APOD: variants seen among roughly 807,000 people sequenced by gnomAD.
APOD encodes the protein apo-D.
Under a neutral mutation model 20.4 loss-of-function variants are expected in APOD, and 22 were observed. That is an observed-to-expected ratio of 1.08 (90% CI 0.77 to 1.54). APOD has a LOEUF of 1.54. APOD is among the 40% of genes most tolerant of loss of function. The pLI, the probability that APOD is intolerant of heterozygous loss-of-function variation, is 0.00. For missense variants in APOD, 223 were observed against 229.6 expected, an observed-to-expected ratio of 0.97 and a Z score of 0.19; for synonymous variants, 97 against 92.4, an observed-to-expected ratio of 1.05 and a Z score of -0.29.
In APOD at chr3:195,568,928, T is replaced by C; in HGVS notation, c.542A>G (p.Asp181Gly). Residue 181 changes from aspartate to glycine, a missense_variant, in exon 5 of 5, where the codon GAC becomes GGC. Physicochemically the swap from Asp to Gly is moderately conservative, Grantham distance 94 (BLOSUM62 -1). Transcript: ENST00000343267. The part of the protein sequence containing the change: ...NIDVKKMTVT[D>G]QVNCPKLS ...CGAGAGCTTGGGGCAGTTCACCTGG[T>C]CTGTGACCGTCATTTTCTTGACATC... 6.2e-7 allele frequency: 1 copy of C among 1,613,982 alleles called. No homozygotes were observed. Among genetic ancestry groups the C allele is most frequent in the East Asian group, 2.2e-5 (1 of 44,882 alleles).
At chr3:195,580,398 T>TTTTTG (rs372834371) in intron 1 of APOD, among the ~76,000 whole-genome samples, 22 of 140,804 alleles carry the variant, frequency 1.6e-4, no homozygotes, top group Admixed American at 5.8e-4. Flanking sequence ...CTGTTGAGGG[T>TTTTTG]TTTTGTTTTG....
chr3:195,570,559 A>G (rs1467282), intron 4 of APOD: 136,063 of 152,256 alleles, frequency 0.89, 60,844 homozygotes, highest in East Asian at 0.99. Context: ...AGTGGCAGAG[A>G]TGAGAAGTAG....
At chr3:195,575,403 G>T (rs1720232364) in intron 2 of APOD, among the ~76,000 whole-genome samples, 1 of 152,098 alleles carries the variant, frequency 6.6e-6, no homozygotes, top group Non-Finnish European at 1.5e-5. Flanking sequence ...ACAAGGTTAG[G>T]GCGTGGACAC....
intron 3 of APOD, 125 bp from the exon 4 acceptor site, chr3:195,571,490 G>A (rs1268418924): frequency 3.3e-5 from 26 of 776,764 alleles, no homozygotes; most frequent in Middle Eastern, 3.8e-4. Context: ...AGCCAACACC[G>A]TGATTTCTGG....
intron 1 of APOD, among the ~76,000 whole-genome samples, chr3:195,581,057 G>T (rs185320227): frequency 6.6e-6 from 1 of 152,368 alleles, no homozygotes; most frequent in Non-Finnish European, 1.5e-5. Context: ...TTCGAAGGAT[G>T]TGTCATTACA....
At chr3:195,575,611 A>G (rs1289766612) in intron 2 of APOD, among the ~76,000 whole-genome samples, 1 of 152,124 alleles carries the variant, frequency 6.6e-6, no homozygotes, top group Non-Finnish European at 1.5e-5. Flanking sequence ...AAATATATTT[A>G]TCTAGTTAAA....
chr3:195,576,301 A>G (rs77000872), intron 2 of APOD, among the ~76,000 whole-genome samples: 1 of 152,224 alleles, frequency 6.6e-6, no homozygotes, highest in Admixed American at 6.5e-5. Flanking sequence ...GAGCTTCCTT[A>G]TGATCTCATA....
At position 195,569,786 on chromosome 3, in the gene APOD, G is replaced by GTTTTTTTTTTTTTTT. The variant is rs543541862; in HGVS notation, c.335-666_335-652dup. ...CTTTATTCAGGCCTTCTTCTTCTTC[G>GTTTTTTTTTTTTTTT]TTTTTTTTTTTTTTTTTTTTTTTTT... On this transcript the variant is annotated intron_variant, in intron 4 of 4. Coordinates refer to ENST00000343267, the MANE Select transcript of APOD (RefSeq NM_001647.4). Among the ~76,000 whole-genome samples the GTTTTTTTTTTTTTTT allele has an allele frequency of 5.6e-5, 3 of 54,054 alleles. 1 individual carries two copies. The highest frequency in any genetic ancestry group is 1.7e-4 in the African/African-American group (2 of 11,938). The allele number at this position is 54,054 out of a possible 152,430, so 35.5% of individuals were successfully genotyped here.
chr3:195,571,848 C>T (rs533567619), intron 3 of APOD, among the ~76,000 whole-genome samples: 29 of 151,492 alleles, frequency 1.9e-4, no homozygotes, highest in Non-Finnish European at 2.7e-4. Context: ...GGTGCGATCT[C>T]GGCTTACTGC....
chr3:195,577,760 T>C (rs978301951), intron 2 of APOD, among the ~76,000 whole-genome samples: 3 of 152,242 alleles, frequency 2.0e-5, no homozygotes, highest in African/African-American at 7.2e-5. Context: ...TGATACATGC[T>C]ACAACGTGGA....
At chr3:195,571,063 T>G in intron 4 of APOD, 1 of 584,930 alleles carries the variant, frequency 1.7e-6, no homozygotes, top group Non-Finnish European at 3.1e-6. Flanking sequence ...GTATCCACAC[T>G]GGGATGTGAG....
intron 1 of APOD, among the ~76,000 whole-genome samples, chr3:195,580,139 T>C (rs1056211916): frequency 6.6e-6 from 1 of 152,180 alleles, no homozygotes; most frequent in African/African-American, 2.4e-5. Context: ...TAAGTATAAC[T>C]GTGTCCAATT....
At chr3:195,583,526 G>A (rs1173002709) in intron 1 of APOD, among the ~76,000 whole-genome samples, 1 of 152,134 alleles carries the variant, frequency 6.6e-6, no homozygotes, top group Non-Finnish European at 1.5e-5. Context: ...ATGCACCGTT[G>A]GACAGCTTGC....
At chr3:195,583,518 G>A (rs891058215) in intron 1 of APOD, among the ~76,000 whole-genome samples, 3 of 152,196 alleles carry the variant, frequency 2.0e-5, no homozygotes, top group African/African-American at 4.8e-5. Context: ...TTACTGCGAT[G>A]CACCGTTGGA....
intron 4 of APOD, chr3:195,570,979 C>T (rs535960178): frequency 4.8e-6 from 2 of 417,536 alleles, no homozygotes; most frequent in African/African-American, 4.0e-5. Flanking sequence ...GCAGCCCACA[C>T]CCGGTGTGCA....
intron 1 of APOD, 24 bp from the exon 2 acceptor site, chr3:195,579,519 G>T (rs1267306337): frequency 1.9e-6 from 3 of 1,597,344 alleles, no homozygotes; most frequent in Non-Finnish European, 2.5e-6. Context: ...AAGCAGCTGG[G>T]GTTGTCATTC....
At chr3:195,572,352 A>C (rs1212482545) in intron 3 of APOD, among the ~76,000 whole-genome samples, 1 of 152,224 alleles carries the variant, frequency 6.6e-6, no homozygotes, top group Non-Finnish European at 1.5e-5. Flanking sequence ...ATTCTCAGGT[A>C]TGCCCAGATT....
Position 195,573,944 on chromosome 3 carries a change from T to C in APOD, c.151A>G (p.Lys51Glu), listed in dbSNP as rs1720209268. The C allele has an allele frequency of 6.2e-7, 1 of 1,614,188 alleles. No homozygotes were observed. The highest frequency in any genetic ancestry group is 8.5e-7 in the Non-Finnish European group (1 of 1,180,020). Residue 51 changes from lysine to glutamate, a missense_variant, in exon 3 of 5, where the codon AAG becomes GAG. By Grantham distance (56) the Lys-to-Glu change is moderately conservative. Transcript: ENST00000343267. ...CCATTCTCAAAGGTTGTTGGGATCTTCTCAATTTCGTACCATCTTCCGAGA... is the reference window on the plus strand; with the variant it reads ...CCATTCTCAAAGGTTGTTGGGATCTCCTCAATTTCGTACCATCTTCCGAGA... ...KYLGRWYEIEKIPTTFENGRC... is the reference protein window; with the variant it reads ...KYLGRWYEIEEIPTTFENGRC...
chr3:195,572,532 G>A (rs1402047387), intron 3 of APOD, among the ~76,000 whole-genome samples: 1 of 152,190 alleles, frequency 6.6e-6, no homozygotes. Flanking sequence ...CTTTCTAGAT[G>A]ACTCCCAATG....
Sources: allele counts gnomAD v4.1 joint callset (sites outside exome capture counted in the v4.1 genomes callset), GRCh38; gene constraint gnomAD v4.1.1; transcripts MANE v1.5; gene names NCBI Gene and HGNC (gene_info 2026-07-23, HGNC 2026-07-21).